Variants in SLC18B1 observed in about 807,000 individuals in gnomAD.
SLC18B1 encodes the protein MFS-type transporter SLC18B1.
A neutral mutation model predicts 53.9 loss-of-function variants in SLC18B1; 62 were observed. The observed-to-expected ratio is 1.15, with a 90% CI of 0.94 to 1.42. The LOEUF (loss-of-function observed/expected upper bound fraction) is 1.42. Ranked by LOEUF, SLC18B1 falls within the 40% of genes most tolerant of loss-of-function variation. The pLI, the probability that SLC18B1 is intolerant of heterozygous loss-of-function variation, is 0.00. For missense variants in SLC18B1, 598 were observed against 547.3 expected (o/e 1.09, Z -0.93); for synonymous variants, 217 against 200.9 (o/e 1.08, Z -0.68).
intron 10 of SLC18B1, 24 bp from the exon 11 acceptor site, chr6:132,772,230 T>A (rs1780995286): frequency 4.1e-6 from 6 of 1,459,428 alleles, no homozygotes; most frequent in Middle Eastern, 3.6e-4. Flanking sequence ...CATGAGTGTA[T>A]CCATTATTAA....
rs1173300752 is a variant in SLC18B1, at chr6:132,792,352, G to A, written c.184-2080C>T. ...GGAAGGAAGGAAGGAAGGAAGGAAG[G>A]AAGGGAAAGAAAGAAAAGAAGGAAA... is the stretch of plus-strand genomic sequence containing the variant. On this transcript the variant is annotated intron_variant, in intron 2 of 13. Transcript: ENST00000275227. Among the ~76,000 whole-genome samples the A allele has an allele frequency of 4.4e-5, 4 of 91,376 alleles. 2 individuals carry two copies. The highest frequency in any genetic ancestry group is 2.1e-4 in the Admixed American group (2 of 9,504). The allele number at this position is 91,376 out of a possible 152,430, so 59.9% of individuals were successfully genotyped here.
Position 132,771,031 on chromosome 6 carries a change from C to T in SLC18B1, c.1254+5G>A. On this transcript the variant is annotated splice_donor_5th_base_variant and intron_variant, in intron 12 of 13. Transcript: ENST00000275227. ...GAAAATGCAAATAAAAGACTGATTA[C>T]TCACACTTATCAGAGCCCATAGACC... 1 of 1,612,102 alleles carries T rather than the reference C, an allele frequency of 6.2e-7. No homozygotes were observed. Among genetic ancestry groups the T allele is most frequent in the South Asian group, 1.1e-5 (1 of 90,448 alleles).
At chr6:132,770,860 A>G in intron 13 of SLC18B1, 30 bp downstream of exon 13, 1 of 1,584,538 alleles carries the variant, frequency 6.3e-7, no homozygotes, top group Non-Finnish European at 8.6e-7. Flanking sequence ...ACTTTTAAAG[A>G]GAGAAAAAAA....
chr6:132,788,175 G>GA (rs11326475), intron 4 of SLC18B1, among the ~76,000 whole-genome samples: 68 of 112,058 alleles, frequency 6.1e-4, no homozygotes, highest in East Asian at 3.4e-3. Flanking sequence ...AAAAGAAAAA[G>GA]AAAAAAAAAA....
At chr6:132,776,651 C>G (rs1017134406) in intron 7 of SLC18B1, among the ~76,000 whole-genome samples, 1 of 151,826 alleles carries the variant, frequency 6.6e-6, no homozygotes, top group Admixed American at 6.6e-5. Context: ...TGCTTTGTAG[C>G]CTTTGGCATT....
At chr6:132,793,279 G>A (rs1781594912) in intron 2 of SLC18B1, among the ~76,000 whole-genome samples, 1 of 152,192 alleles carries the variant, frequency 6.6e-6, no homozygotes, top group South Asian at 2.1e-4. Flanking sequence ...AAAAATGACA[G>A]AACATGCAGG....
chr6:132,787,581 A>G lies in SLC18B1; in HGVS notation c.354T>C (p.Gly118=), dbSNP rs773887474. The change falls in exon 5 of 14, where the codon GGT becomes GGC. Residue 118 remains glycine, a splice_region_variant and synonymous_variant. Transcript: ENST00000275227. ...GCCCATCTGGAACTCGGTCCAATACACTAAAAAGGAATAAGACAATTCTGA... is the reference window on the plus strand; with the variant it reads ...GCCCATCTGGAACTCGGTCCAATACGCTAAAAAGGAATAAGACAATTCTGA... ...FVSGGVTILF[G]VLDRVPDGPV... 6 of 1,556,192 alleles carry G rather than the reference A, an allele frequency of 3.9e-6. No individual in the cohort carries two copies. The South Asian group carries it at 6.2e-5, about 16-fold the overall frequency.
At chr6:132,779,831 C>A (rs1411441536) in intron 6 of SLC18B1, among the ~76,000 whole-genome samples, 1 of 152,150 alleles carries the variant, frequency 6.6e-6, no homozygotes, top group Non-Finnish European at 1.5e-5. Flanking sequence ...GGGGAAGCCT[C>A]ACAATCATGG....
intron 2 of SLC18B1, among the ~76,000 whole-genome samples, chr6:132,792,288 A>AAAGAAAGGAAGGAAGGAAGGAAGG (rs770774646): frequency 2.5e-5 from 1 of 39,904 alleles, no homozygotes; most frequent in Non-Finnish European, 4.7e-5. Flanking sequence ...AGAAAGGAAG[A>AAAGAAAGGAAGGAAGGAAGGAAGG]AAGGAAGGAA....
At chr6:132,790,056 C>A in intron 3 of SLC18B1, 121 bp downstream of exon 3, 1 of 821,710 alleles carries the variant, frequency 1.2e-6, no homozygotes, top group South Asian at 1.7e-5. Flanking sequence ...AACACTGGCA[C>A]AATTTATAAA....
chr6:132,769,518 TA>T lies in SLC18B1; in HGVS notation c.*751del. ...TGAAATACATCTACCAAGATATAGA[TA>T]AAAACAAAAACAAAACAGATGGTAG... is the stretch of plus-strand genomic sequence containing the variant. On this transcript the variant is annotated 3_prime_UTR_variant, in exon 14 of 14. Coordinates refer to ENST00000275227, the MANE Select transcript of SLC18B1 (RefSeq NM_052831.3). 1 of 151,816 alleles carries T rather than the reference TA, an allele frequency of 6.6e-6. No individual in the cohort carries two copies. Among genetic ancestry groups the T allele is most frequent in the Non-Finnish European group, 1.5e-5 (1 of 67,916 alleles). 9.4% of individuals were successfully genotyped at this position (151,816 alleles called of 1,614,324 possible). A position where few individuals can be genotyped will look rare whatever the true frequency, so the allele number is the denominator to read the frequency against.
Position 132,770,942 on chromosome 6 carries a change from T to C in SLC18B1, c.1255-3A>G, listed in dbSNP as rs771772669. On this transcript the variant is annotated splice_polypyrimidine_tract_variant and splice_region_variant and intron_variant, in intron 12 of 13. Transcript: ENST00000275227. Reference sequence around the variant, plus strand: ...TAAAACAAGCCCATGGCTAATCCCTTAAACACAATTAAAAGTACTGATTAA... The same window carrying C: ...TAAAACAAGCCCATGGCTAATCCCTCAAACACAATTAAAAGTACTGATTAA... The C allele has an allele frequency of 1.6e-5, 25 of 1,612,552 alleles. No individual in the cohort carries two copies. Among genetic ancestry groups the C allele is most frequent in the Non-Finnish European group, 1.9e-5 (23 of 1,179,612 alleles).
Position 132,792,283 on chromosome 6 carries a change from G to GAAAGAAAGAAAGAAA in SLC18B1, c.184-2012_184-2011insTTTCTTTCTTTCTTT, listed in dbSNP as rs71003613. On this transcript the variant is annotated intron_variant, in intron 2 of 13. Coordinates refer to ENST00000275227, the MANE Select transcript of SLC18B1 (RefSeq NM_052831.3). Reference sequence around the variant, plus strand: ...AGAAAGAAAGAAAGAAAGAAAGAAAGGAAGAAAGGAAGGAAGGAAGGAAGG... The same window carrying GAAAGAAAGAAAGAAA: ...AGAAAGAAAGAAAGAAAGAAAGAAAGAAAGAAAGAAAGAAAGAAGAAAGGAAGGAAGGAAGGAAGG... Among the ~76,000 whole-genome samples the GAAAGAAAGAAAGAAA allele has an allele frequency of 7.8e-4, 38 of 49,030 alleles. 2 individuals carry two copies. The highest frequency in any genetic ancestry group is 4.8e-3 in the African/African-American group (38 of 7,880). The allele number at this position is 49,030 out of a possible 152,430, so 32.2% of individuals were successfully genotyped here.
intron 7 of SLC18B1, among the ~76,000 whole-genome samples, chr6:132,778,637 T>C (rs1781153630): frequency 6.6e-6 from 1 of 152,196 alleles, no homozygotes; most frequent in Non-Finnish European, 1.5e-5. Context: ...TTTTGCCTTT[T>C]ATCAACACAT....
intron 6 of SLC18B1, among the ~76,000 whole-genome samples, chr6:132,780,561 G>A (rs1044395725): frequency 1.6e-5 from 2 of 122,162 alleles, no homozygotes; most frequent in Non-Finnish European, 3.4e-5. Context: ...AAACCGTGGT[G>A]TTAGTTTTTT....
At chr6:132,795,709 A>G (rs1781658296) in intron 2 of SLC18B1, among the ~76,000 whole-genome samples, 1 of 152,238 alleles carries the variant, frequency 6.6e-6, no homozygotes, top group Non-Finnish European at 1.5e-5. Flanking sequence ...AGCCAGTCAT[A>G]TTCATTTCAT....
At chr6:132,780,763 T>C (rs967322639) in intron 6 of SLC18B1, among the ~76,000 whole-genome samples, 1 of 152,064 alleles carries the variant, frequency 6.6e-6, no homozygotes, top group South Asian at 2.1e-4. Flanking sequence ...GGTTTCACCA[T>C]GTTGGTCAGG....
intron 2 of SLC18B1, among the ~76,000 whole-genome samples, chr6:132,791,053 G>A (rs1325129367): frequency 6.6e-6 from 1 of 152,172 alleles, no homozygotes; most frequent in Non-Finnish European, 1.5e-5. Flanking sequence ...AAAAAACTTT[G>A]TCAAGTCCCG....
At chr6:132,792,288 AAAGGAAGGAAGGAAGG>A (rs1167820594) in intron 2 of SLC18B1, among the ~76,000 whole-genome samples, 52 of 39,932 alleles carry the variant, frequency 1.3e-3, no homozygotes, top group Non-Finnish European at 1.5e-3. Flanking sequence ...AGAAAGGAAG[AAAGGAAGGAAGGAAGG>A]AAGGAAGGAA....
Sources: allele counts gnomAD v4.1 joint callset (sites outside exome capture counted in the v4.1 genomes callset), GRCh38; gene constraint gnomAD v4.1.1; transcripts MANE v1.5; gene names NCBI Gene and HGNC (gene_info 2026-07-23, HGNC 2026-07-21).